Variants in BRI3BP observed in about 807,000 individuals in gnomAD.
BRI3BP encodes BRI3-binding protein.
In BRI3BP, 7 loss-of-function variants were observed where a neutral mutation model predicts 15.8. The ratio of observed to expected loss-of-function variants is 0.44; its 90% CI spans 0.25 to 0.83. The LOEUF (loss-of-function observed/expected upper bound fraction) is 0.83. Among genes scored for constraint, BRI3BP ranks in the 40% least tolerant of loss-of-function variants. BRI3BP has a pLI of 0.20. For synonymous variants in BRI3BP, 192 were observed against 163.5 expected (o/e 1.17, Z -1.33); for missense variants, 320 against 339.3 (o/e 0.94, Z 0.45).
chr12:125,025,518 T>C lies in BRI3BP; in HGVS notation c.*88T>C, dbSNP rs1482181518. 3.1e-6 allele frequency: 4 copies of C among 1,299,124 alleles called. No homozygotes were observed. The highest frequency in any genetic ancestry group is 4.1e-6 in the Non-Finnish European group (4 of 971,364). 80.5% of individuals were successfully genotyped at this position (1,299,124 alleles called of 1,614,324 possible). A position where few individuals can be genotyped will look rare whatever the true frequency, so the allele number is the denominator to read the frequency against. ...GAAAAAAACCCCAAACCCCAAACAA[T>C]CTTAATAAACACGACTGAGCAAGAA... On this transcript the variant is annotated 3_prime_UTR_variant, in exon 3 of 3. Transcript: ENST00000341446.
At chr12:125,003,556 TTGAGGG>T (rs1322869916) in intron 1 of BRI3BP, among the ~76,000 whole-genome samples, 2 of 152,200 alleles carry the variant, frequency 1.3e-5, no homozygotes, top group Non-Finnish European at 2.9e-5. Context: ...CTAAATTTTT[TTGAGGG>T]TGCCTGGAAT....
chr12:125,045,521 A>G, the BRI3BP span, among the ~76,000 whole-genome samples: 1 of 152,006 alleles, frequency 6.6e-6, no homozygotes, highest in Non-Finnish European at 1.5e-5. Context: ...TTTAGTAGAG[A>G]CGGGGTTTCA....
intron 1 of BRI3BP, among the ~76,000 whole-genome samples, chr12:124,998,083 C>T (rs529727250): frequency 9.3e-5 from 14 of 149,970 alleles, no homozygotes; most frequent in Non-Finnish European, 1.8e-4. Context: ...AAGATTGCAC[C>T]GTTGCGCGCG....
chr12:125,027,033 A>G lies in BRI3BP; in HGVS notation c.*1603A>G, dbSNP rs961456668. The G allele has an allele frequency of 2.0e-5, 3 of 150,784 alleles. No individual in the cohort carries two copies. The highest frequency in any genetic ancestry group is 6.6e-5 in the Admixed American group (1 of 15,128). The allele number at this position is 150,784 out of a possible 1,614,324, so 9.3% of individuals were successfully genotyped here. ...CTGTCTCTGTGGCCCTTACCTGGCC[A>G]CAGATGTACCCTGGCAACCCGCTCA... On this transcript the variant is annotated 3_prime_UTR_variant, in exon 3 of 3. Coordinates refer to ENST00000341446, the MANE Select transcript of BRI3BP (RefSeq NM_080626.6).
Position 125,025,189 on chromosome 12 carries a change from A to G in BRI3BP, c.515A>G (p.Tyr172Cys). The G allele has an allele frequency of 6.2e-7, 1 of 1,614,062 alleles. No individual in the cohort carries two copies. Among genetic ancestry groups the G allele is most frequent in the Non-Finnish European group, 8.5e-7 (1 of 1,179,998 alleles). Residue 172 changes from tyrosine to cysteine, a missense_variant, in exon 3 of 3, where the codon TAC (tyrosine) becomes TGC (cysteine). Tyr to Cys is a radical substitution (Grantham distance 194, BLOSUM62 -2). Coordinates refer to ENST00000341446, the MANE Select transcript of BRI3BP (RefSeq NM_080626.6). The stretch of plus-strand genomic sequence containing the variant: ...GTCCTGTTTTCCATGTCCTGCGTGT[A>G]CATCCTGCACAAGTACGAGGGCGAG... ...RVVLFSMSCVYILHKYEGEPE... is the reference protein window; with the variant it reads ...RVVLFSMSCVCILHKYEGEPE...
intron 2 of BRI3BP, among the ~76,000 whole-genome samples, chr12:125,022,761 A>T (rs1033742728): frequency 8.5e-5 from 13 of 152,054 alleles, no homozygotes; most frequent in African/African-American, 3.1e-4. Context: ...TCCTGATCTC[A>T]GGTGATCCAC....
chr12:125,049,817 C>G, the BRI3BP span, among the ~76,000 whole-genome samples: 1 of 146,798 alleles, frequency 6.8e-6, no homozygotes, highest in African/African-American at 2.5e-5. Context: ...GAGTGTGGCG[C>G]GTGAGTGTGT....
chr12:125,037,801 G>A, the BRI3BP span, among the ~76,000 whole-genome samples: 1 of 145,328 alleles, frequency 6.9e-6, no homozygotes. Context: ...AACAGAGCAA[G>A]ACTCTGTCTC....
In BRI3BP at chr12:125,019,635, C is replaced by A. The variant is rs11613815; in HGVS notation, c.317-5356C>A. Among the ~76,000 whole-genome samples, 20 of 33,072 alleles carry A rather than the reference C, an allele frequency of 6.0e-4. 1 individual carries two copies. The highest frequency in any genetic ancestry group is 2.5e-3 in the South Asian group (2 of 810). The allele number at this position is 33,072 out of a possible 152,430, so 21.7% of individuals were successfully genotyped here. On this transcript the variant is annotated intron_variant, in intron 2 of 2. Transcript: ENST00000341446. ...ATATCTTATTAACATTAATTCCACC[C>A]TTTTTTTTTTTTTTTTTTTTTTGCC...
intron 1 of BRI3BP, among the ~76,000 whole-genome samples, chr12:125,003,630 T>TTTG (rs1430157853): frequency 1.3e-5 from 2 of 152,180 alleles, no homozygotes; most frequent in African/African-American, 4.8e-5. Flanking sequence ...AGTTAGCATC[T>TTTG]TTAACAATAA....
At chr12:125,014,689 C>A (rs1045694197) in intron 2 of BRI3BP, among the ~76,000 whole-genome samples, 14 of 152,204 alleles carry the variant, frequency 9.2e-5, no homozygotes, top group Non-Finnish European at 1.3e-4. Flanking sequence ...TTGTCATAAA[C>A]CACATCATTT....
At chr12:124,994,093 G>C (rs1955019420) in intron 1 of BRI3BP, 90 bp downstream of exon 1, 3 of 914,776 alleles carry the variant, frequency 3.3e-6, no homozygotes, top group Non-Finnish European at 4.1e-6. Context: ...GCGGCCTCCG[G>C]GGCTGCCCGC....
chr12:125,047,548 G>A, the BRI3BP span, among the ~76,000 whole-genome samples: 1 of 151,486 alleles, frequency 6.6e-6, no homozygotes, highest in Non-Finnish European at 1.5e-5. Context: ...GGTGCAGTCA[G>A]TATTTTTAGT....
Position 125,025,457 on chromosome 12 carries a change from G to A in BRI3BP, c.*27G>A. The A allele has an allele frequency of 6.5e-7, 1 of 1,540,730 alleles. No homozygotes were observed. The highest frequency in any genetic ancestry group is 8.8e-7 in the Non-Finnish European group (1 of 1,142,348). On this transcript the variant is annotated 3_prime_UTR_variant, in exon 3 of 3. Transcript: ENST00000341446. ...GGTCAGCCGGCCGGGCGGGTCCACAGTTACCAGCACGCTGTCTCAGAAAAC... is the reference window on the plus strand; with the variant it reads ...GGTCAGCCGGCCGGGCGGGTCCACAATTACCAGCACGCTGTCTCAGAAAAC...
rs1955340800 is a variant in BRI3BP, at chr12:125,025,220, G to A, written c.546G>A (p.Glu182=). ...YILHKYEGEP[E]NAVLPLCFVV... The stretch of plus-strand genomic sequence containing the variant: ...TGCACAAGTACGAGGGCGAGCCGGA[G>A]AACGCGGTGCTGCCGCTGTGCTTCG... Residue 182 remains glutamate, a synonymous_variant, in exon 3 of 3, where the codon GAG becomes GAA. Transcript: ENST00000341446. The A allele has an allele frequency of 1.9e-6, 3 of 1,614,110 alleles. No individual in the cohort carries two copies. The highest frequency in any genetic ancestry group is 1.7e-5 in the Admixed American group (1 of 59,998).
chr12:125,037,933 A>G, the BRI3BP span, among the ~76,000 whole-genome samples: 1 of 152,178 alleles, frequency 6.6e-6, no homozygotes, highest in Non-Finnish European at 1.5e-5. Context: ...AATTTCTAAA[A>G]GTGCTGGTTT....
intron 1 of BRI3BP, among the ~76,000 whole-genome samples, chr12:125,002,334 G>A (rs1396204639): frequency 1.3e-5 from 2 of 152,100 alleles, no homozygotes; most frequent in Non-Finnish European, 2.9e-5. Context: ...AGCATGTGGG[G>A]CCTGGTTTCC....
chr12:125,032,714 C>T (rs563124656), downstream of BRI3BP, among the ~76,000 whole-genome samples: 2 of 152,300 alleles, frequency 1.3e-5, no homozygotes, highest in Middle Eastern at 3.4e-3. Flanking sequence ...GTTGAGGCTG[C>T]AGTGAGCCAT....
At chr12:125,017,693 G>A (rs1394869182) in intron 2 of BRI3BP, among the ~76,000 whole-genome samples, 1 of 152,152 alleles carries the variant, frequency 6.6e-6, no homozygotes, top group African/African-American at 2.4e-5. Context: ...CACATGTCCA[G>A]GAGTTGGAAG....
Sources: gnomAD v4.1 joint callset for allele counts (sites outside exome capture counted in the v4.1 genomes callset) on GRCh38, gnomAD v4.1.1 for gene constraint, MANE v1.5 for transcripts, NCBI Gene and HGNC (gene_info 2026-07-23, HGNC 2026-07-21) for gene names.